The following SGCZ variants were observed in gnomAD, a reference collection of about 807,000 sequenced individuals.
SGCZ encodes the protein sarcoglycan zeta, also known as zeta-sarcoglycan.
Under a neutral mutation model 41.3 loss-of-function variants are expected in SGCZ, and 40 were observed. The ratio of observed to expected loss-of-function variants is 0.97; its 90% CI spans 0.75 to 1.26. SGCZ has a LOEUF of 1.26. SGCZ is among the 50% of genes most tolerant of loss of function. The pLI is 0.00. For missense variants in SGCZ, 552 were observed against 369.8 expected (o/e 1.49, Z -4.04); for synonymous variants, 206 against 137.5 (o/e 1.50, Z -3.49).
At chr8:14,459,649 A>C (rs377496232) in intron 2 of SGCZ, among the ~76,000 whole-genome samples, 1 of 152,122 alleles carries the variant, frequency 6.6e-6, no homozygotes, top group African/African-American at 2.4e-5. Flanking sequence ...TATAGTAGAG[A>C]AATGTAGCCA....
At chr8:15,043,749 T>C (rs1307045887) in intron 1 of SGCZ, among the ~76,000 whole-genome samples, 1 of 152,154 alleles carries the variant, frequency 6.6e-6, no homozygotes, top group Non-Finnish European at 1.5e-5. Context: ...TAATATTTTA[T>C]AATAAAATAA....
intron 7 of SGCZ, among the ~76,000 whole-genome samples, chr8:14,091,748 G>C (rs1490809733): frequency 6.6e-6 from 1 of 152,160 alleles, no homozygotes; most frequent in Non-Finnish European, 1.5e-5. Context: ...CAGATGGACA[G>C]ATTGCAAAAA....
chr8:15,006,768 T>C (rs770781877), intron 1 of SGCZ, among the ~76,000 whole-genome samples: 2 of 152,160 alleles, frequency 1.3e-5, no homozygotes, highest in Non-Finnish European at 2.9e-5. Flanking sequence ...TATTCATAGA[T>C]GAGTTGTAAA....
At chr8:14,675,521 T>C (rs1265038017) in intron 1 of SGCZ, among the ~76,000 whole-genome samples, 4 of 152,102 alleles carry the variant, frequency 2.6e-5, no homozygotes, top group African/African-American at 7.2e-5. Context: ...ACAGAGTGTA[T>C]ACACTTTACC....
chr8:14,950,176 A>G (rs545854165), intron 1 of SGCZ, among the ~76,000 whole-genome samples: 5 of 152,196 alleles, frequency 3.3e-5, no homozygotes, highest in South Asian at 2.1e-4. Flanking sequence ...GGAACATTCA[A>G]TAAATAAATG....
At chr8:14,734,165 A>G (rs2130250873) in intron 1 of SGCZ, among the ~76,000 whole-genome samples, 1 of 152,350 alleles carries the variant, frequency 6.6e-6, no homozygotes, top group South Asian at 2.1e-4. Context: ...TAGAACAGCA[A>G]ATGATGAAAT....
At chr8:14,729,268 G>C (rs568472586) in intron 1 of SGCZ, among the ~76,000 whole-genome samples, 1 of 152,040 alleles carries the variant, frequency 6.6e-6, no homozygotes, top group Non-Finnish European at 1.5e-5. Context: ...GCCCACCAAA[G>C]CCTTGGCTGA....
intron 1 of SGCZ, among the ~76,000 whole-genome samples, chr8:14,602,628 T>A (rs1359425856): frequency 3.9e-5 from 6 of 152,232 alleles, no homozygotes; most frequent in Admixed American, 6.5e-5. Flanking sequence ...ATCATCTGTC[T>A]TTCAATTCTT....
At chr8:14,552,723 G>T (rs1419249549) in intron 2 of SGCZ, among the ~76,000 whole-genome samples, 3 of 152,008 alleles carry the variant, frequency 2.0e-5, no homozygotes, top group East Asian at 1.9e-4. Context: ...AACAGGGATG[G>T]CTTATCCAGC....
intron 1 of SGCZ, among the ~76,000 whole-genome samples, chr8:15,078,088 GGTT>G (rs1274419967): frequency 1.3e-5 from 2 of 150,376 alleles, no homozygotes; most frequent in Non-Finnish European, 2.9e-5. Flanking sequence ...GTCCTCTCTG[GGTT>G]GTGTGTGGTG....
intron 3 of SGCZ, among the ~76,000 whole-genome samples, chr8:14,263,527 T>C (rs550510435): frequency 6.6e-6 from 1 of 152,208 alleles, no homozygotes; most frequent in Admixed American, 6.5e-5. Flanking sequence ...CCAGTCTGAA[T>C]GAGAAAATGA....
chr8:14,967,012 AT>A (rs1463125435), intron 1 of SGCZ, among the ~76,000 whole-genome samples: 1 of 152,158 alleles, frequency 6.6e-6, no homozygotes. Flanking sequence ...ATTATTAAAA[AT>A]TTTATGTATG....
At chr8:14,445,323 C>A (rs1006073827) in intron 2 of SGCZ, among the ~76,000 whole-genome samples, 2 of 152,152 alleles carry the variant, frequency 1.3e-5, no homozygotes, top group Admixed American at 6.5e-5. Flanking sequence ...TTTTACTAAT[C>A]GAATGTTGCC....
chr8:15,175,110 A>G lies in SGCZ; in HGVS notation c.39+62475T>C, dbSNP rs960438062. Among the ~76,000 whole-genome samples, 5 of 152,026 alleles carry G rather than the reference A, an allele frequency of 3.3e-5. No homozygotes were observed. The East Asian group carries it at 9.7e-4, about 29-fold the overall frequency. On this transcript the variant is annotated intron_variant, in intron 1 of 7. Coordinates refer to ENST00000382080, the MANE Select transcript of SGCZ (RefSeq NM_139167.4). ...GCACGTGTATCCCAGAACTTAAAGT[A>G]AACTAAAAATTAAAAATAAATTTAA...
At chr8:14,221,856 G>T (rs567771144) in intron 4 of SGCZ, among the ~76,000 whole-genome samples, 3 of 152,114 alleles carry the variant, frequency 2.0e-5, no homozygotes, top group Admixed American at 1.3e-4. Context: ...GTAATCTCGG[G>T]AGACTGAGGC....
At chr8:15,178,024 G>A (rs1241585970) in intron 1 of SGCZ, among the ~76,000 whole-genome samples, 3 of 152,216 alleles carry the variant, frequency 2.0e-5, no homozygotes, top group East Asian at 1.9e-4. Context: ...TAAGCCCCAT[G>A]CTTGGGGCCT....
At chr8:14,888,907 A>G (rs1804908382) in intron 1 of SGCZ, among the ~76,000 whole-genome samples, 1 of 152,188 alleles carries the variant, frequency 6.6e-6, no homozygotes, top group Admixed American at 6.5e-5. Context: ...ACACTGCTAC[A>G]AGAATTGTAC....
At chr8:14,193,921 C>A (rs1446513847) in intron 4 of SGCZ, among the ~76,000 whole-genome samples, 1 of 151,668 alleles carries the variant, frequency 6.6e-6, no homozygotes, top group Admixed American at 6.6e-5. Flanking sequence ...GATTAATATA[C>A]TATGTTAATT....
rs559853313 is a variant in SGCZ, at chr8:14,647,330, G to C, written c.40-92404C>G. ...TGCTTTACTGATATATCAAAATATT[G>C]AGAAGAAAATAGGCTTTATTGTACA... On this transcript the variant is annotated intron_variant, in intron 1 of 7. Transcript: ENST00000382080. 6.1e-4 allele frequency among the ~76,000 whole-genome samples: 93 copies of C among 151,972 alleles called. 3 individuals are homozygous for C. In the South Asian group the frequency reaches 0.019, roughly 32 times the overall value.
Sources: allele counts gnomAD v4.1 joint callset (sites outside exome capture counted in the v4.1 genomes callset), GRCh38; gene constraint gnomAD v4.1.1; transcripts MANE v1.5; gene names NCBI Gene and HGNC (gene_info 2026-07-23, HGNC 2026-07-21).